IFT88: variants seen among roughly 807,000 people sequenced by gnomAD.
The protein encoded by IFT88 is intraflagellar transport protein 88 homolog.
A neutral mutation model predicts 119.5 loss-of-function variants in IFT88; 74 were observed. The ratio of observed to expected loss-of-function variants is 0.62; its 90% CI spans 0.51 to 0.75. The LOEUF is 0.75. Among genes scored for constraint, IFT88 ranks in the 30% least tolerant of loss-of-function variants. The probability of loss-of-function intolerance (pLI) is 0.00; values close to 1 mark genes in which losing one functional copy is unlikely to be tolerated. For synonymous variants in IFT88, 279 were observed against 316.7 expected (o/e 0.88, Z 1.26); for missense variants, 961 against 977.7 (o/e 0.98, Z 0.23).
chr13:20,597,754 AATATATATAT>A (rs1238744164), intron 9 of IFT88, among the ~76,000 whole-genome samples: 3 of 142,594 alleles, frequency 2.1e-5, no homozygotes, highest in Admixed American at 7.0e-5. Context: ...TCAAAAAAAA[AATATATATAT>A]ATATATTTTT....
chr13:20,691,384 C>T lies in IFT88; in HGVS notation c.*209C>T, dbSNP rs2058448653. On this transcript the variant is annotated 3_prime_UTR_variant, in exon 26 of 26. Transcript: ENST00000351808. ...AACTAATACTTTAGGCCAGTGACTT[C>T]CTTAGCTTTTTGAAAACATTGACAC... is the stretch of plus-strand genomic sequence containing the variant. 1 of 398,854 alleles carries T rather than the reference C, an allele frequency of 2.5e-6. No homozygotes were observed. 24.7% of individuals were successfully genotyped at this position (398,854 alleles called of 1,614,324 possible). A position where few individuals can be genotyped will look rare whatever the true frequency, so the allele number is the denominator to read the frequency against.
At chr13:20,597,752 A>ATAT (rs1401851558) in intron 9 of IFT88, among the ~76,000 whole-genome samples, 1 of 133,364 alleles carries the variant, frequency 7.5e-6, no homozygotes, top group South Asian at 2.3e-4. Flanking sequence ...TCTCAAAAAA[A>ATAT]AAATATATAT....
intron 1 of IFT88, among the ~76,000 whole-genome samples, chr13:20,570,176 C>T (rs2036027235): frequency 1.3e-5 from 2 of 152,004 alleles, no homozygotes; most frequent in African/African-American, 4.8e-5. Flanking sequence ...AATGAGATAC[C>T]ATTTCATACT....
At chr13:20,665,803 G>A (rs2054580064) in intron 23 of IFT88, among the ~76,000 whole-genome samples, 1 of 152,220 alleles carries the variant, frequency 6.6e-6, no homozygotes, top group Non-Finnish European at 1.5e-5. Flanking sequence ...CTGTGGGACC[G>A]AGAGGGGAAG....
chr13:20,629,659 G>T (rs2140068997), intron 15 of IFT88, among the ~76,000 whole-genome samples: 1 of 152,268 alleles, frequency 6.6e-6, no homozygotes, highest in East Asian at 1.9e-4. Flanking sequence ...AATTGAGTCA[G>T]TTTGCCTACT....
intron 14 of IFT88, among the ~76,000 whole-genome samples, chr13:20,619,311 G>T (rs2046142127): frequency 6.6e-6 from 1 of 152,094 alleles, no homozygotes; most frequent in South Asian, 2.1e-4. Context: ...ATTACAAAAT[G>T]CCAATCCTAA....
intron 25 of IFT88, 75 bp from the exon 26 acceptor site, chr13:20,690,979 C>T (rs2058413104): frequency 6.5e-7 from 1 of 1,549,122 alleles, no homozygotes; most frequent in Non-Finnish European, 8.8e-7. Flanking sequence ...TTCATTTTGA[C>T]TATGAGCCTG....
chr13:20,649,084 A>T (rs935560336), intron 20 of IFT88, among the ~76,000 whole-genome samples: 5 of 152,216 alleles, frequency 3.3e-5, no homozygotes, highest in African/African-American at 1.2e-4. Context: ...TAATACTTTT[A>T]AAAATGTGTG....
chr13:20,600,151 T>C (rs951944483), intron 11 of IFT88, among the ~76,000 whole-genome samples: 4 of 152,172 alleles, frequency 2.6e-5, no homozygotes, highest in African/African-American at 9.7e-5. Context: ...TACCATCTTT[T>C]AAGATCATTC....
intron 20 of IFT88, among the ~76,000 whole-genome samples, chr13:20,649,126 A>G (rs981434418): frequency 2.0e-5 from 3 of 152,206 alleles, no homozygotes; most frequent in Non-Finnish European, 4.4e-5. Context: ...CGGAAGATAA[A>G]TAAGAAAATT....
chr13:20,621,566 T>A (rs895933871), intron 14 of IFT88, among the ~76,000 whole-genome samples: 9 of 147,356 alleles, frequency 6.1e-5, no homozygotes, highest in African/African-American at 2.0e-4. Context: ...AAGACTTTTT[T>A]AAAAAAGTAA....
At position 20,572,753 on chromosome 13, in the gene IFT88, T is replaced by C. The variant is rs185358951; in HGVS notation, c.-6-1627T>C. ...AACATTTATCATCACCCCAGAAAAT[T>C]CTCTCATGTCCCTTTCCATTCAATC... is the stretch of plus-strand genomic sequence containing the variant. On this transcript the variant is annotated intron_variant, in intron 1 of 25. Transcript: ENST00000351808. 2.7e-3 allele frequency among the ~76,000 whole-genome samples: 408 copies of C among 152,172 alleles called. 1 individual carries two copies. Among genetic ancestry groups the C allele is most frequent in the Non-Finnish European group, 4.5e-3 (307 of 68,018 alleles).
intron 2 of IFT88, 145 bp from the exon 3 acceptor site, chr13:20,582,812 G>A (rs2038957752): frequency 1.7e-6 from 1 of 587,198 alleles, no homozygotes; most frequent in South Asian, 2.3e-5. Flanking sequence ...TGTGAAGTGG[G>A]GAGATTTGAG....
At chr13:20,627,868 C>T (rs2140026578) in intron 15 of IFT88, among the ~76,000 whole-genome samples, 1 of 151,882 alleles carries the variant, frequency 6.6e-6, no homozygotes, top group African/African-American at 2.4e-5. Flanking sequence ...TCTGTGCTTT[C>T]CTAGCTCTTC....
intron 3 of IFT88, among the ~76,000 whole-genome samples, chr13:20,587,598 G>A (rs1005049888): frequency 6.6e-6 from 1 of 151,984 alleles, no homozygotes; most frequent in Non-Finnish European, 1.5e-5. Context: ...ATCAATTCTT[G>A]TACTCTCGTT....
At position 20,578,248 on chromosome 13, in the gene IFT88, C is replaced by T. The variant is rs546246465; in HGVS notation, c.90+3773C>T. On this transcript the variant is annotated intron_variant, in intron 2 of 25. Transcript: ENST00000351808. ...TTTTTTAGTAGAGACAGAGTTTCAC[C>T]GTGTTAGCCAGGATGGTCTCGATCT... Among the ~76,000 whole-genome samples the T allele has an allele frequency of 8.3e-4, 125 of 150,640 alleles. 1 individual carries two copies. Among genetic ancestry groups the T allele is most frequent in the African/African-American group, 2.9e-3 (118 of 41,010 alleles).
At chr13:20,649,377 G>A (rs1188355222) in intron 20 of IFT88, among the ~76,000 whole-genome samples, 2 of 152,052 alleles carry the variant, frequency 1.3e-5, no homozygotes, top group Non-Finnish European at 2.9e-5. Flanking sequence ...ACAAGTATGT[G>A]GAATTAAAGA....
intron 17 of IFT88, 70 bp from the exon 18 acceptor site, chr13:20,641,218 TTC>T: frequency 5.0e-6 from 4 of 807,646 alleles, no homozygotes; most frequent in Admixed American, 2.6e-5. Context: ...TTGAGATTTA[TTC>T]TGTTATGTTA....
At chr13:20,583,880 A>G (rs2039168746) in intron 3 of IFT88, among the ~76,000 whole-genome samples, 1 of 152,210 alleles carries the variant, frequency 6.6e-6, no homozygotes, top group Non-Finnish European at 1.5e-5. Flanking sequence ...TTTGCTGTAC[A>G]GACCGTCCCT....
Sources: gnomAD v4.1 joint callset for allele counts (sites outside exome capture counted in the v4.1 genomes callset) on GRCh38, gnomAD v4.1.1 for gene constraint, MANE v1.5 for transcripts, NCBI Gene and HGNC (gene_info 2026-07-23, HGNC 2026-07-21) for gene names.